Variants in CDH9 observed in about 807,000 individuals in gnomAD.
CDH9 encodes the protein cadherin-9.
Under a neutral mutation model 70.9 loss-of-function variants are expected in CDH9, and 28 were observed. The observed-to-expected ratio is 0.40, with a 90% CI of 0.29 to 0.54. The LOEUF is 0.54. Among genes scored for constraint, CDH9 ranks in the 20% least tolerant of loss-of-function variants. The probability of loss-of-function intolerance (pLI) is 0.59; values close to 1 mark genes in which losing one functional copy is unlikely to be tolerated. For missense variants in CDH9, 874 were observed against 984.4 expected (o/e 0.89, Z 1.50); for synonymous variants, 409 against 343.1 (o/e 1.19, Z -2.12).
At chr5:26,898,427 T>C (rs1740791076) in intron 7 of CDH9, among the ~76,000 whole-genome samples, 1 of 152,114 alleles carries the variant, frequency 6.6e-6, no homozygotes, top group East Asian at 1.9e-4. Context: ...CAAACTACAC[T>C]GCAAGTCTTC....
At chr5:26,898,420 A>G (rs907770091) in intron 7 of CDH9, among the ~76,000 whole-genome samples, 1 of 152,176 alleles carries the variant, frequency 6.6e-6, no homozygotes, top group African/African-American at 2.4e-5. Context: ...CTGACTTCAA[A>G]CTACACTGCA....
chr5:26,989,579 C>T (rs541764056), intron 1 of CDH9, among the ~76,000 whole-genome samples: 27 of 151,726 alleles, frequency 1.8e-4, no homozygotes, highest in African/African-American at 6.3e-4. Flanking sequence ...TAAACCCCCT[C>T]AACCTGAATA....
At chr5:26,927,586 A>G (rs1741365157) in intron 2 of CDH9, among the ~76,000 whole-genome samples, 1 of 152,006 alleles carries the variant, frequency 6.6e-6, no homozygotes, top group African/African-American at 2.4e-5. Flanking sequence ...CACATCCCAC[A>G]TGTATCATGA....
intron 2 of CDH9, among the ~76,000 whole-genome samples, chr5:26,952,802 G>A (rs1202142166): frequency 1.3e-5 from 2 of 150,932 alleles, no homozygotes; most frequent in African/African-American, 2.4e-5. Flanking sequence ...TGATACTGGA[G>A]GCTTTATAAG....
At chr5:26,900,666 C>T (rs922548683) in intron 7 of CDH9, among the ~76,000 whole-genome samples, 7 of 152,080 alleles carry the variant, frequency 4.6e-5, no homozygotes, top group African/African-American at 1.7e-4. Context: ...TCATTGTTTA[C>T]AGTTTTCCAG....
intron 2 of CDH9, among the ~76,000 whole-genome samples, chr5:26,956,520 T>C (rs1337362930): frequency 1.3e-5 from 2 of 152,176 alleles, no homozygotes; most frequent in Admixed American, 6.5e-5. Context: ...ATCACTTTTC[T>C]TGGGTCAAAT....
At chr5:26,998,919 G>A (rs1235357653) in intron 1 of CDH9, among the ~76,000 whole-genome samples, 1 of 151,874 alleles carries the variant, frequency 6.6e-6, no homozygotes, top group Admixed American at 6.6e-5. Context: ...ATTAAAAAAG[G>A]GAACAAAATA....
intron 2 of CDH9, among the ~76,000 whole-genome samples, chr5:26,932,674 C>A (rs868462781): frequency 1.3e-5 from 2 of 152,120 alleles, no homozygotes; most frequent in East Asian, 1.9e-4. Flanking sequence ...TTGAAGACAG[C>A]ATATTGCTGA....
intron 2 of CDH9, among the ~76,000 whole-genome samples, chr5:26,922,202 GA>G (rs1165195083): frequency 2.3e-4 from 35 of 151,770 alleles, no homozygotes; most frequent in African/African-American, 8.4e-4. Context: ...CCAAAATTTA[GA>G]AAAAAATATT....
At chr5:27,014,388 GT>G (rs1258717478) in intron 1 of CDH9, among the ~76,000 whole-genome samples, 22 of 152,020 alleles carry the variant, frequency 1.4e-4, no homozygotes, top group Admixed American at 1.4e-3. Context: ...CCGAACTGTG[GT>G]TGACTATAGC....
chr5:26,981,176 TA>T (rs2112084196), intron 2 of CDH9, among the ~76,000 whole-genome samples: 1 of 152,166 alleles, frequency 6.6e-6, no homozygotes, highest in Admixed American at 6.5e-5. Flanking sequence ...AATCTAGCCT[TA>T]AAAAGGATAA....
intron 2 of CDH9, among the ~76,000 whole-genome samples, chr5:26,924,805 T>C (rs1431008198): frequency 4.6e-5 from 7 of 152,068 alleles, no homozygotes; most frequent in Non-Finnish European, 8.8e-5. Flanking sequence ...ATGCAGTGCT[T>C]AGTCTTCTGT....
chr5:26,923,069 TA>T (rs56883597), intron 2 of CDH9, among the ~76,000 whole-genome samples: 25,930 of 94,820 alleles, frequency 0.27, 2,785 homozygotes, highest in East Asian at 0.59. Flanking sequence ...TTACATGAAT[TA>T]AAAAAAAAAA....
chr5:27,024,800 T>C (rs1455817257), intron 1 of CDH9, among the ~76,000 whole-genome samples: 2 of 152,058 alleles, frequency 1.3e-5, no homozygotes, highest in Non-Finnish European at 2.9e-5. Flanking sequence ...TTACGTTTAA[T>C]ATTTAGGTAT....
At chr5:26,893,883 G>A (rs766006277) in intron 7 of CDH9, among the ~76,000 whole-genome samples, 3 of 151,968 alleles carry the variant, frequency 2.0e-5, no homozygotes, top group Non-Finnish European at 4.4e-5. Flanking sequence ...AAAATATTAT[G>A]TTTCCTACCT....
intron 1 of CDH9, among the ~76,000 whole-genome samples, chr5:27,006,117 G>A (rs1043611740): frequency 9.2e-5 from 14 of 151,926 alleles, no homozygotes; most frequent in Admixed American, 3.3e-4. Flanking sequence ...GCAAACCTCT[G>A]TGATACAAAT....
chr5:26,907,091 CTAAT>C (rs1331356772), intron 3 of CDH9, among the ~76,000 whole-genome samples: 1 of 151,936 alleles, frequency 6.6e-6, no homozygotes, highest in Non-Finnish European at 1.5e-5. Flanking sequence ...TATAATAAGA[CTAAT>C]TAATGCATCA....
intron 2 of CDH9, among the ~76,000 whole-genome samples, chr5:26,917,890 A>C (rs925478399): frequency 1.3e-5 from 2 of 152,148 alleles, no homozygotes; most frequent in Non-Finnish European, 2.9e-5. Context: ...TAAGAACTGT[A>C]AACCTGAAGT....
At chr5:26,941,598 A>C (rs1211733740) in intron 2 of CDH9, among the ~76,000 whole-genome samples, 1 of 152,220 alleles carries the variant, frequency 6.6e-6, no homozygotes, top group Non-Finnish European at 1.5e-5. Context: ...GTTGAGGACA[A>C]GTCCCAAAAC....
Sources: gnomAD v4.1 joint callset for allele counts (sites outside exome capture counted in the v4.1 genomes callset) on GRCh38, gnomAD v4.1.1 for gene constraint, MANE v1.5 for transcripts, NCBI Gene and HGNC (gene_info 2026-07-23, HGNC 2026-07-21) for gene names.